FANCG: variants seen among roughly 807,000 people sequenced by gnomAD.
The protein encoded by FANCG is FA complementation group G, also known as Fanconi anemia group G protein.
FANCG carries 67 observed loss-of-function variants against 73.3 expected under a neutral mutation model. The ratio of observed to expected loss-of-function variants is 0.91; its 90% confidence interval spans 0.75 to 1.12. The LOEUF is 1.12. Among genes scored for constraint, FANCG ranks in the 50% most tolerant of loss-of-function variants. FANCG has a pLI of 0.00. For synonymous variants in FANCG, 297 were observed against 311.6 expected, an observed-to-expected ratio of 0.95 and a Z score of 0.49; for missense variants, 643 against 735.6, an observed-to-expected ratio of 0.87 and a Z score of 1.46.
rs2131056040 is a variant in FANCG at position 35,076,829 on chromosome 9, C to T, written c.819G>A (p.Leu273=). The change falls in exon 7 of 14, where the codon CTG becomes CTA. Residue 273 remains leucine, a synonymous_variant. Coordinates refer to ENST00000378643, the MANE Select transcript of FANCG (RefSeq NM_004629.2). ...GAGGACCCCAGGCTGATCCCTCTTT[C>T]AGGGCTGCAACCAAGTACAACAGTG... The part of the protein sequence containing the change: ...QRALLYLVAA[L]KEGSAWGPPL... 6.2e-7 allele frequency: 1 copy of T among 1,614,208 alleles called. No homozygotes were observed. The highest frequency in any genetic ancestry group is 8.5e-7 in the Non-Finnish European group (1 of 1,180,032).
intron 5 of FANCG, 24 bp from the exon 6 acceptor site, chr9:35,077,125 T>C (rs1478175658): frequency 6.2e-7 from 1 of 1,614,034 alleles, no homozygotes. Flanking sequence ...GGGTGTGAGC[T>C]TGGAGAGGGC....
Position 35,077,362 on chromosome 9 carries a change from G to A in FANCG, c.548C>T (p.Thr183Ile), listed in dbSNP as rs1483769624. The change falls in exon 5 of 14, where the codon ACT (threonine) becomes ATT (isoleucine). Residue 183 changes from threonine to isoleucine, a missense_variant. By Grantham distance (89) the Thr-to-Ile change is moderately conservative. Coordinates refer to ENST00000378643, the MANE Select transcript of FANCG (RefSeq NM_004629.2). ...TAATTCCTCAGCTGGGGGACTCCAA[G>A]TTTTCAGAAGTAACAGCAGATCCTT... is the stretch of plus-strand genomic sequence containing the variant. ...ASKDLLLLLK[T>I]WSPPAEELDA... 6.2e-7 allele frequency: 1 copy of A among 1,614,026 alleles called. No individual in the cohort carries two copies. The highest frequency in any genetic ancestry group is 1.3e-5 in the African/African-American group (1 of 74,902).
At chr9:35,079,401 T>C (rs1829143091) in intron 1 of FANCG, 40 bp downstream of exon 1, 1 of 1,611,330 alleles carries the variant, frequency 6.2e-7, no homozygotes, top group Non-Finnish European at 8.5e-7. Flanking sequence ...CTTTCAGGGA[T>C]CTTGAGGCTG....
At chr9:35,079,028 T>C in intron 2 of FANCG, 123 bp downstream of exon 2, 1 of 855,334 alleles carries the variant, frequency 1.2e-6, no homozygotes, top group Admixed American at 2.0e-5. Flanking sequence ...CACTCCAGTC[T>C]CCTCTGTGCC....
At position 35,078,652 on chromosome 9, in the gene FANCG, C is replaced by A; in HGVS notation, c.260G>T (p.Gly87Val). 17 of 1,614,166 alleles carry A rather than the reference C, an allele frequency of 1.1e-5. No individual in the cohort carries two copies. The highest frequency in any genetic ancestry group is 1.4e-5 in the Non-Finnish European group (16 of 1,180,036). ...ATCCTGGGCCTGATCCTCTGTGAAA[C>A]CCTGGGCCAAGCTTGCCCTCAGGAT... ...FIILRASLAQGFTEDQAQDIQ... is the reference protein window; with the variant it reads ...FIILRASLAQVFTEDQAQDIQ... Residue 87 changes from glycine (G) to valine (V), a missense_variant, in exon 3 of 14, where the codon GGT becomes GTT. Physicochemically the swap from Gly to Val is moderately radical, Grantham distance 109. Coordinates refer to ENST00000378643, the MANE Select transcript of FANCG (RefSeq NM_004629.2).
At chr9:35,074,268 G>T in intron 13 of FANCG, 52 bp from the exon 14 acceptor site, 1 of 1,612,088 alleles carries the variant, frequency 6.2e-7, no homozygotes, top group Admixed American at 1.7e-5. Context: ...CAGAAAGCTG[G>T]GCAGCCATAC....
intron 1 of FANCG, 64 bp from the exon 2 acceptor site, chr9:35,079,305 C>A: frequency 6.5e-7 from 1 of 1,547,982 alleles, no homozygotes; most frequent in Non-Finnish European, 8.9e-7. Context: ...GCAGCAGTGG[C>A]AAGGGATGCA....
At position 35,079,515 on chromosome 9, in the gene FANCG, G is replaced by A. The variant is rs1326382443; in HGVS notation, c.10C>T (p.Gln4Ter). MSR[Q>*]TTSVGSSCLD... ...CAGCTGGAGCCCACAGAGGTGGTCT[G>A]GCGGGACATGGTGGCCGAGGCTGGG... is the stretch of plus-strand genomic sequence containing the variant. The change falls in exon 1 of 14, where the codon CAG (glutamine) becomes TAG (stop). Residue 4 changes from glutamine to a stop codon, truncating the protein, a stop_gained. Transcript: ENST00000378643. LOFTEE classifies it high-confidence loss of function. 1.9e-6 allele frequency: 3 copies of A among 1,614,090 alleles called. No individual in the cohort carries two copies. The highest frequency in any genetic ancestry group is 3.3e-5 in the Admixed American group (2 of 60,026).
In FANCG at chr9:35,077,326, A is replaced by C. The variant is rs528544125; in HGVS notation, c.584T>G (p.Leu195Trp). The C allele has an allele frequency of 6.2e-7, 1 of 1,614,174 alleles. No individual in the cohort carries two copies. Among genetic ancestry groups the C allele is most frequent in the Non-Finnish European group, 8.5e-7 (1 of 1,180,006 alleles). Residue 195 changes from leucine (L) to tryptophan (W), a missense_variant, in exon 5 of 14, where the codon TTG becomes TGG. Coordinates refer to ENST00000378643, the MANE Select transcript of FANCG (RefSeq NM_004629.2). Reference protein sequence around the residue: ...SPPAEELDAPLTLQDAQGLKD... With the variant: ...SPPAEELDAPWTLQDAQGLKD... ...CAATCCCTGGGCATCCTGCAGGGTC[A>C]ATGGAGCATCTAATTCCTCAGCTGG... is the stretch of plus-strand genomic sequence containing the variant.
In FANCG at chr9:35,075,448, T is replaced by C. The variant is rs1829064526; in HGVS notation, c.1433+17A>G. On this transcript the variant is annotated intron_variant, in intron 10 of 13. Coordinates refer to ENST00000378643, the MANE Select transcript of FANCG (RefSeq NM_004629.2). ...GAAAATCATCCCTCCACACCCCCTCTAGGACCCCGGGCTCACCTGCTAAAT... is the reference window on the plus strand; with the variant it reads ...GAAAATCATCCCTCCACACCCCCTCCAGGACCCCGGGCTCACCTGCTAAAT... 6.2e-7 allele frequency: 1 copy of C among 1,613,952 alleles called. No homozygotes were observed. Among genetic ancestry groups the C allele is most frequent in the African/African-American group, 1.3e-5 (1 of 74,910 alleles).
chr9:35,079,109 A>T (rs1476004272), intron 2 of FANCG, 42 bp downstream of exon 2: 1 of 1,508,784 alleles, frequency 6.6e-7, no homozygotes, highest in Non-Finnish European at 9.1e-7. Context: ...TTCTCTGGCT[A>T]TGGAAGAGGG....
Position 35,075,341 on chromosome 9 carries a change from G to A in FANCG, c.1434-16C>T, listed in dbSNP as rs761391172. On this transcript the variant is annotated splice_polypyrimidine_tract_variant and intron_variant, in intron 10 of 13. Transcript: ENST00000378643. ...CTCGAGGCACCTGAAGTAGGACACA[G>A]AACAGGGGTGAAGAGGAATCAATTT... The A allele has an allele frequency of 4.3e-6, 7 of 1,613,972 alleles. No individual in the cohort carries two copies. Among genetic ancestry groups the A allele is most frequent in the Non-Finnish European group, 5.1e-6 (6 of 1,180,008 alleles).
In FANCG at chr9:35,075,014, G is replaced by T. The variant is rs1829056152; in HGVS notation, c.1549C>A (p.Leu517Ile). The change falls in exon 12 of 14, where the codon CTA (leucine) becomes ATA (isoleucine). Residue 517 changes from leucine to isoleucine, a missense_variant. By Grantham distance (5) the Leu-to-Ile change is conservative. Coordinates refer to ENST00000378643, the MANE Select transcript of FANCG (RefSeq NM_004629.2). Reference protein sequence around the residue: ...AALQQLRAAALISRGLEWVAS... With the variant: ...AALQQLRAAAIISRGLEWVAS... ...ACCCATTCCAGTCCACGACTAATTA[G>T]GGCGGCTGCCCGAAGCTGCTGCAGT... is the stretch of plus-strand genomic sequence containing the variant. 6.2e-7 allele frequency: 1 copy of T among 1,614,078 alleles called. No individual in the cohort carries two copies. The highest frequency in any genetic ancestry group is 8.5e-7 in the Non-Finnish European group (1 of 1,180,056).
chr9:35,076,163 G>T, intron 8 of FANCG, 135 bp from the exon 9 acceptor site: 1 of 1,003,792 alleles, frequency 1.0e-6, no homozygotes, highest in Non-Finnish European at 1.6e-6. Flanking sequence ...AAGGTCTTAG[G>T]GCTCCAATTT....
At position 35,074,874 on chromosome 9, in the gene FANCG, C is replaced by T; in HGVS notation, c.1636+53G>A. On this transcript the variant is annotated intron_variant, in intron 12 of 13. Coordinates refer to ENST00000378643, the MANE Select transcript of FANCG (RefSeq NM_004629.2). Reference sequence around the variant, plus strand: ...CTTACGCCCAAGTATTTCCCATGGGCCTCTCTGTCCTTGCACATCTATGCA... The same window carrying T: ...CTTACGCCCAAGTATTTCCCATGGGTCTCTCTGTCCTTGCACATCTATGCA... The T allele has an allele frequency of 3.1e-6, 5 of 1,607,210 alleles. No individual in the cohort carries two copies. The South Asian group carries it at 5.5e-5, about 18-fold the overall frequency.
In FANCG at chr9:35,075,631, G is replaced by A. The variant is rs765394242; in HGVS notation, c.1267C>T (p.Arg423Cys). Residue 423 changes from arginine to cysteine, a missense_variant, in exon 10 of 14, where the codon CGC (arginine) becomes TGC (cysteine). Arg to Cys is a radical substitution (Grantham distance 180). Coordinates refer to ENST00000378643, the MANE Select transcript of FANCG (RefSeq NM_004629.2). Reference protein sequence around the residue: ...ALTLCEELLSRTSSLLPKMSR... With the variant: ...ALTLCEELLSCTSSLLPKMSR... ...ATCTTGGGTAGCAGAGATGATGTGC[G>A]GCTGAGCAACTCCTCACATAGAGTC... 1.1e-5 allele frequency: 18 copies of A among 1,613,580 alleles called. No homozygotes were observed. Among genetic ancestry groups the A allele is most frequent in the South Asian group, 4.4e-5 (4 of 91,062 alleles).
intron 4 of FANCG, 147 bp downstream of exon 4, chr9:35,077,994 G>C (rs1330600878): frequency 1.3e-6 from 1 of 788,968 alleles, no homozygotes; most frequent in Admixed American, 1.9e-5. Flanking sequence ...ACCAGGGCAA[G>C]GTCACCCAAG....
chr9:35,077,594 T>A (rs574936344), intron 4 of FANCG, among the ~76,000 whole-genome samples, 195 bp from the exon 5 acceptor site: 1 of 152,038 alleles, frequency 6.6e-6, no homozygotes, highest in African/African-American at 2.4e-5. Context: ...TAGATAGCTA[T>A]GAGGCAAGAA....
At chr9:35,079,363 C>A in intron 1 of FANCG, 78 bp downstream of exon 1, 2 of 1,575,506 alleles carry the variant, frequency 1.3e-6, no homozygotes, top group South Asian at 1.1e-5. Flanking sequence ...CCCTCCCCAT[C>A]GGTTGGGGTA....
Sources: gnomAD v4.1 joint callset for allele counts (sites outside exome capture counted in the v4.1 genomes callset) on GRCh38, gnomAD v4.1.1 for gene constraint, MANE v1.5 for transcripts, NCBI Gene and HGNC (gene_info 2026-07-23, HGNC 2026-07-21) for gene names.